TBC1D9: variants seen among roughly 807,000 people sequenced by gnomAD.
The protein encoded by TBC1D9 is TBC1 domain family member 9.
TBC1D9 carries 63 observed loss-of-function variants against 132.0 expected under a neutral mutation model. The observed-to-expected ratio is 0.48, with a 90% CI of 0.39 to 0.59. The LOEUF (loss-of-function observed/expected upper bound fraction) is 0.59. TBC1D9 is among the 20% of genes least tolerant of loss of function. TBC1D9 has a pLI of 0.00. For synonymous variants in TBC1D9, 610 were observed against 609.9 expected (o/e 1.00, Z 0.00); for missense variants, 1,261 against 1,592.7 (o/e 0.79, Z 3.54).
At chr4:140,727,416 C>T (rs1358157086) in intron 1 of TBC1D9, among the ~76,000 whole-genome samples, 4 of 152,178 alleles carry the variant, frequency 2.6e-5, no homozygotes, top group East Asian at 1.9e-4. Flanking sequence ...CTGGTGGCCA[C>T]GTTCAGGCTC....
At chr4:140,669,273 G>C (rs755838195) in intron 8 of TBC1D9, among the ~76,000 whole-genome samples, 1 of 152,076 alleles carries the variant, frequency 6.6e-6, no homozygotes, top group African/African-American at 2.4e-5. Flanking sequence ...AAGCTTTTGG[G>C]CCCAGAGTCA....
At chr4:140,689,477 C>G (rs1200589647) in intron 2 of TBC1D9, among the ~76,000 whole-genome samples, 1 of 84,794 alleles carries the variant, frequency 1.2e-5, no homozygotes, top group Non-Finnish European at 2.4e-5. Flanking sequence ...CCTTCCCTTC[C>G]CCTTTTTCCC....
intron 3 of TBC1D9, 21 bp downstream of exon 3, chr4:140,686,323 G>T: frequency 7.7e-7 from 1 of 1,291,042 alleles, no homozygotes; most frequent in Non-Finnish European, 1.1e-6. Context: ...CAATTAAAAT[G>T]TTTTTCTTTT....
At chr4:140,692,915 G>A (rs1203314407) in intron 2 of TBC1D9, among the ~76,000 whole-genome samples, 4 of 151,942 alleles carry the variant, frequency 2.6e-5, no homozygotes, top group Non-Finnish European at 5.9e-5. Flanking sequence ...AGCTACTCGG[G>A]AGGCTAAGGT....
chr4:140,664,462 C>G (rs914900462), intron 9 of TBC1D9, among the ~76,000 whole-genome samples: 1 of 152,160 alleles, frequency 6.6e-6, no homozygotes, highest in African/African-American at 2.4e-5. Flanking sequence ...TCCCATCTGT[C>G]CTTTTTGCAA....
At chr4:140,704,561 C>T (rs1005746006) in intron 1 of TBC1D9, among the ~76,000 whole-genome samples, 6 of 151,978 alleles carry the variant, frequency 3.9e-5, no homozygotes, top group African/African-American at 1.5e-4. Flanking sequence ...GGCAGAGCAG[C>T]GGACAGGGGC....
chr4:140,746,109 C>T (rs13126377), intron 1 of TBC1D9, among the ~76,000 whole-genome samples: 118,737 of 152,112 alleles, frequency 0.78, 47,347 homozygotes, highest in East Asian at 0.94. Flanking sequence ...CCTATGTTCT[C>T]AAATCTCCCG....
At chr4:140,661,836 C>A in intron 10 of TBC1D9, 57 bp downstream of exon 10, 1 of 1,436,034 alleles carries the variant, frequency 7.0e-7, no homozygotes, top group Non-Finnish European at 9.6e-7. Context: ...CTATTTGCTG[C>A]CAAATGAATA....
At chr4:140,731,107 G>A (rs1245780412) in intron 1 of TBC1D9, among the ~76,000 whole-genome samples, 1 of 152,160 alleles carries the variant, frequency 6.6e-6, no homozygotes, top group Non-Finnish European at 1.5e-5. Flanking sequence ...AGGCTGCAGA[G>A]GGTTTAAGCA....
intron 13 of TBC1D9, among the ~76,000 whole-genome samples, chr4:140,653,359 G>T (rs2110992495): frequency 1.3e-5 from 2 of 152,282 alleles, no homozygotes; most frequent in Middle Eastern, 6.8e-3. Context: ...ACACTCAGGT[G>T]TCATGCCTGA....
intron 1 of TBC1D9, among the ~76,000 whole-genome samples, chr4:140,739,142 G>A (rs367893348): frequency 7.3e-5 from 11 of 151,646 alleles, no homozygotes; most frequent in South Asian, 2.1e-4. Context: ...GATTACAGGC[G>A]TGTGCCACCA....
chr4:140,641,978 A>T, intron 13 of TBC1D9: 1 of 574,262 alleles, frequency 1.7e-6, no homozygotes, highest in Non-Finnish European at 3.2e-6. Context: ...GAATCTTCCG[A>T]AGAGTCGCTG....
chr4:140,641,611 G>A (rs1736996303), intron 13 of TBC1D9, among the ~76,000 whole-genome samples: 2 of 150,694 alleles, frequency 1.3e-5, no homozygotes, highest in South Asian at 2.1e-4. Flanking sequence ...GGCAGAAAAG[G>A]TGAGTATGGG....
intron 1 of TBC1D9, among the ~76,000 whole-genome samples, chr4:140,751,650 G>C (rs954916877): frequency 1.3e-5 from 2 of 152,228 alleles, no homozygotes; most frequent in Middle Eastern, 3.4e-3. Flanking sequence ...TCTTTACAGA[G>C]TAAATAGGTA....
chr4:140,643,056 T>C, intron 13 of TBC1D9: 1 of 1,260,070 alleles, frequency 7.9e-7, no homozygotes, highest in Admixed American at 2.2e-5. Flanking sequence ...CTCCTCCTTC[T>C]TGCGCATCCA....
intron 1 of TBC1D9, among the ~76,000 whole-genome samples, chr4:140,712,660 T>C (rs1249708115): frequency 1.3e-5 from 2 of 151,354 alleles, no homozygotes; most frequent in Non-Finnish European, 2.9e-5. Flanking sequence ...GAGAATTGCT[T>C]GAACCCGGGA....
intron 1 of TBC1D9, among the ~76,000 whole-genome samples, chr4:140,721,395 C>T (rs1738421520): frequency 6.6e-6 from 1 of 152,036 alleles, no homozygotes; most frequent in Admixed American, 6.6e-5. Context: ...AATTATTATC[C>T]CTATTTGATG....
At chr4:140,701,753 AT>A in intron 1 of TBC1D9, 139 bp from the exon 2 acceptor site, 1 of 640,868 alleles carries the variant, frequency 1.6e-6, no homozygotes, top group Non-Finnish European at 2.7e-6. Flanking sequence ...GAAAAATTTC[AT>A]TTTAGGATGA....
chr4:140,656,437 G>A (rs1462516290), intron 13 of TBC1D9, among the ~76,000 whole-genome samples: 11 of 152,136 alleles, frequency 7.2e-5, no homozygotes, highest in African/African-American at 2.7e-4. Context: ...TAGGTCTCCT[G>A]TGCAAATAAC....
Sources: allele counts gnomAD v4.1 joint callset (sites outside exome capture counted in the v4.1 genomes callset), GRCh38; gene constraint gnomAD v4.1.1; transcripts MANE v1.5; gene names NCBI Gene and HGNC (gene_info 2026-07-23, HGNC 2026-07-21).